Variants in ST8SIA5 observed in about 807,000 individuals in gnomAD.
ST8SIA5 encodes ST8 alpha-N-acetyl-neuraminide alpha-2,8-sialyltransferase 5.
ST8SIA5 carries 24 observed loss-of-function variants against 40.2 expected under a neutral mutation model. That is an observed-to-expected ratio of 0.60 (90% CI 0.43 to 0.84). The LOEUF (loss-of-function observed/expected upper bound fraction) is 0.84, where lower values mean the gene tolerates loss of function less well. Among genes scored for constraint, ST8SIA5 ranks in the 40% least tolerant of loss-of-function variants. The pLI, the probability that ST8SIA5 is intolerant of heterozygous loss-of-function variation, is 0.00. For synonymous variants in ST8SIA5, 198 were observed against 201.8 expected (o/e 0.98, Z 0.16); for missense variants, 465 against 498.5 (o/e 0.93, Z 0.64).
chr18:46,747,920 A>G (rs1024058172), intron 1 of ST8SIA5, among the ~76,000 whole-genome samples: 15 of 152,328 alleles, frequency 9.8e-5, no homozygotes, highest in African/African-American at 3.6e-4. Flanking sequence ...TGTCCTTTGC[A>G]GGGACGTGGA....
chr18:46,750,928 G>A (rs2040190010), intron 1 of ST8SIA5, among the ~76,000 whole-genome samples: 1 of 152,100 alleles, frequency 6.6e-6, no homozygotes, highest in Non-Finnish European at 1.5e-5. Context: ...AATTTAATGG[G>A]TTGCTCTCAG....
intron 2 of ST8SIA5, among the ~76,000 whole-genome samples, chr18:46,695,991 A>G (rs974383616): frequency 2.6e-5 from 4 of 152,236 alleles, no homozygotes; most frequent in African/African-American, 9.6e-5. Context: ...AGTGCCAGGA[A>G]GGAAAGTGAA....
intron 4 of ST8SIA5, among the ~76,000 whole-genome samples, 156 bp downstream of exon 4, chr18:46,688,619 C>T (rs1287185809): frequency 1.3e-5 from 2 of 152,230 alleles, no homozygotes; most frequent in East Asian, 3.8e-4. Flanking sequence ...AGAGGGTGGG[C>T]TTCTGCACCT....
chr18:46,719,947 T>C (rs2039844603), intron 1 of ST8SIA5, among the ~76,000 whole-genome samples: 1 of 151,780 alleles, frequency 6.6e-6, no homozygotes, highest in African/African-American at 2.4e-5. Context: ...CAAGCTATTC[T>C]CCCGTCTCAG....
At chr18:46,723,505 T>C (rs2039883854) in intron 1 of ST8SIA5, among the ~76,000 whole-genome samples, 1 of 150,556 alleles carries the variant, frequency 6.6e-6, no homozygotes, top group Non-Finnish European at 1.5e-5. Context: ...TAAGCCGAGA[T>C]CACACTACTG....
chr18:46,704,518 C>T, intron 2 of ST8SIA5, 54 bp downstream of exon 2: 2 of 1,376,156 alleles, frequency 1.5e-6, no homozygotes, highest in South Asian at 2.4e-5. Context: ...TCACCCCCAA[C>T]CCCTGCCCCA....
intron 2 of ST8SIA5, among the ~76,000 whole-genome samples, chr18:46,695,561 G>T (rs1431724292): frequency 6.6e-6 from 1 of 152,202 alleles, no homozygotes; most frequent in East Asian, 1.9e-4. Flanking sequence ...CACACAGAAA[G>T]CATCCAGTAC....
chr18:46,746,092 A>G lies in ST8SIA5; in HGVS notation c.131+10286T>C, dbSNP rs2040137231. ...CAAAATAATAAGAGCTATTTATGAC[A>G]AACCCACAGCCAGTATCATACTGAA... On this transcript the variant is annotated intron_variant, in intron 1 of 6. Coordinates refer to ENST00000315087, the MANE Select transcript of ST8SIA5 (RefSeq NM_013305.6). Among the ~76,000 whole-genome samples the G allele has an allele frequency of 2.0e-5, 3 of 152,220 alleles. No homozygotes were observed. The South Asian group carries it at 6.2e-4, about 31-fold the overall frequency.
chr18:46,705,059 CAGTG>C (rs2039657158), intron 1 of ST8SIA5, among the ~76,000 whole-genome samples: 1 of 152,260 alleles, frequency 6.6e-6, no homozygotes, highest in South Asian at 2.1e-4. Flanking sequence ...GGGAGTCCGA[CAGTG>C]AGCCTTCAGG....
chr18:46,680,254 T>C lies in ST8SIA5; in HGVS notation c.919A>G (p.Thr307Ala). Reference protein sequence around the residue: ...KRISTGLILVTAALELCEEVH... With the variant: ...KRISTGLILVAAALELCEEVH... ...TCCTCACAGAGCTCCAGCGCCGCAG[T>C]GACCAGAATGAGGCCGGTGCTGATG... The change falls in exon 7 of 7, where the codon ACT becomes GCT. Residue 307 changes from threonine to alanine, a missense_variant. Coordinates refer to ENST00000315087, the MANE Select transcript of ST8SIA5 (RefSeq NM_013305.6). 6.2e-7 allele frequency: 1 copy of C among 1,614,206 alleles called. No individual in the cohort carries two copies. The highest frequency in any genetic ancestry group is 8.5e-7 in the Non-Finnish European group (1 of 1,180,014).
Position 46,677,802 on chromosome 18 carries a change from C to T in ST8SIA5, c.*2240G>A, listed in dbSNP as rs542422455. ...TGATGTCTGTGTCACCAGGGAGCCT[C>T]CCCCAAACACTGCCCATCTGGAACA... On this transcript the variant is annotated 3_prime_UTR_variant, in exon 7 of 7. Coordinates refer to ENST00000315087, the MANE Select transcript of ST8SIA5 (RefSeq NM_013305.6). 2.0e-5 allele frequency: 3 copies of T among 152,344 alleles called. No individual in the cohort carries two copies. In the East Asian group the frequency reaches 5.8e-4, roughly 29 times the overall value. 9.4% of individuals were successfully genotyped at this position (152,344 alleles called of 1,614,324 possible).
At position 46,682,059 on chromosome 18, in the gene ST8SIA5, T is replaced by A; in HGVS notation, c.575A>T (p.Asn192Ile). The A allele has an allele frequency of 6.2e-7, 1 of 1,607,454 alleles. No individual in the cohort carries two copies. The highest frequency in any genetic ancestry group is 8.5e-7 in the Non-Finnish European group (1 of 1,177,202). ...INSADFVFRC[N>I]LPPISEKYTM... ...GTACTTCTCTGAGATGGGGGGCAGG[T>A]TGCACCTGCAGAAGAGAAAAGGCAG... The change falls in exon 6 of 7, where the codon AAC becomes ATC. Residue 192 changes from asparagine (N) to isoleucine (I), a missense_variant. Asn to Ile is a moderately radical substitution (Grantham distance 149). Coordinates refer to ENST00000315087, the MANE Select transcript of ST8SIA5 (RefSeq NM_013305.6).
chr18:46,690,130 C>A (rs1190546321), intron 3 of ST8SIA5, among the ~76,000 whole-genome samples: 1 of 152,206 alleles, frequency 6.6e-6, no homozygotes, highest in African/African-American at 2.4e-5. Flanking sequence ...CACTGGAGAT[C>A]ACTCCTATTG....
At chr18:46,752,590 C>A (rs1037542050) in intron 1 of ST8SIA5, among the ~76,000 whole-genome samples, 3 of 152,208 alleles carry the variant, frequency 2.0e-5, no homozygotes, top group Admixed American at 6.5e-5. Flanking sequence ...TGCAAATGGA[C>A]CCCCAGAGTT....
At chr18:46,727,307 C>T (rs979212641) in intron 1 of ST8SIA5, among the ~76,000 whole-genome samples, 2 of 152,172 alleles carry the variant, frequency 1.3e-5, no homozygotes, top group African/African-American at 2.4e-5. Flanking sequence ...GTGGTTATTG[C>T]TGACAACCTG....
At chr18:46,692,848 C>T in intron 2 of ST8SIA5, among the ~76,000 whole-genome samples, 1 of 151,876 alleles carries the variant, frequency 6.6e-6, no homozygotes, top group Non-Finnish European at 1.5e-5. Flanking sequence ...TCCTCACTGA[C>T]AGGCCACCAT....
intron 1 of ST8SIA5, among the ~76,000 whole-genome samples, chr18:46,706,720 T>C (rs780383257): frequency 2.0e-5 from 3 of 152,220 alleles, no homozygotes; most frequent in African/African-American, 7.2e-5. Flanking sequence ...CAATTTAGGT[T>C]CAGCCAGTTA....
At chr18:46,742,439 T>A (rs1461691038) in intron 1 of ST8SIA5, among the ~76,000 whole-genome samples, 15 of 131,610 alleles carry the variant, frequency 1.1e-4, no homozygotes, top group Admixed American at 4.5e-4. Context: ...AAAAAAAAAA[T>A]AGCAGAATTG....
chr18:46,755,222 C>T (rs1158589130), intron 1 of ST8SIA5, among the ~76,000 whole-genome samples: 1 of 152,200 alleles, frequency 6.6e-6, no homozygotes, highest in Non-Finnish European at 1.5e-5. Context: ...CAGCGATCCT[C>T]ACCCTCCCAC....
Sources: allele counts gnomAD v4.1 joint callset (sites outside exome capture counted in the v4.1 genomes callset), GRCh38; gene constraint gnomAD v4.1.1; transcripts MANE v1.5; gene names NCBI Gene and HGNC (gene_info 2026-07-23, HGNC 2026-07-21).